STRADB: variants seen among roughly 807,000 people sequenced by gnomAD.
STRADB encodes STE20 related adaptor beta, also known as STE20-related kinase adapter protein beta.
In STRADB, 34 loss-of-function variants were observed where a neutral mutation model predicts 52.1. The observed-to-expected ratio is 0.65, with a 90% confidence interval of 0.50 to 0.87. The LOEUF (loss-of-function observed/expected upper bound fraction) is 0.87, where lower values mean the gene tolerates loss of function less well. STRADB is among the 40% of genes least tolerant of loss of function. STRADB has a pLI of 0.00. For synonymous variants in STRADB, 133 were observed against 174.5 expected, an observed-to-expected ratio of 0.76 and a Z score of 1.87; for missense variants, 340 against 483.9, an observed-to-expected ratio of 0.70 and a Z score of 2.79.
chr2:201,459,024 C>T (rs1490258542), intron 3 of STRADB, among the ~76,000 whole-genome samples, 160 bp downstream of exon 3: 1 of 152,092 alleles, frequency 6.6e-6, no homozygotes, highest in Non-Finnish European at 1.5e-5. Flanking sequence ...ACAATGAATG[C>T]TCTAACTTTG....
intron 8 of STRADB, 130 bp from the exon 9 acceptor site, chr2:201,477,957 G>A: frequency 1.7e-6 from 2 of 1,156,470 alleles, no homozygotes; most frequent in South Asian, 1.5e-5. Flanking sequence ...TATATGAAGT[G>A]TGTCTTGATT....
At chr2:201,474,551 A>G (rs1025823037) in intron 5 of STRADB, 96 bp from the exon 6 acceptor site, 1 of 943,608 alleles carries the variant, frequency 1.1e-6, no homozygotes, top group South Asian at 1.5e-5. Context: ...TTTCACTAAT[A>G]AGCACCCTTG....
intron 7 of STRADB, 85 bp downstream of exon 7, chr2:201,475,827 A>G (rs751469617): frequency 3.0e-5 from 43 of 1,421,622 alleles, no homozygotes; most frequent in Non-Finnish European, 4.0e-5. Context: ...GCAGTTGAAT[A>G]TTAGAAAAAA....
chr2:201,466,483 G>GA (rs1952306530), intron 3 of STRADB, among the ~76,000 whole-genome samples: 1 of 152,234 alleles, frequency 6.6e-6, no homozygotes, highest in South Asian at 2.1e-4. Context: ...CTGATGACTA[G>GA]AAAAACTTCC....
At chr2:201,467,359 T>C (rs1240711217) in intron 3 of STRADB, among the ~76,000 whole-genome samples, 1 of 152,212 alleles carries the variant, frequency 6.6e-6, no homozygotes, top group Non-Finnish European at 1.5e-5. Context: ...GACCATTCCC[T>C]CTTCACTTCC....
chr2:201,455,376 A>AGC (rs1952112380), intron 2 of STRADB, among the ~76,000 whole-genome samples: 2 of 152,114 alleles, frequency 1.3e-5, no homozygotes, highest in Non-Finnish European at 2.9e-5. Context: ...CATAATAATA[A>AGC]TATTTGAATA....
chr2:201,454,744 A>T lies in STRADB; in HGVS notation c.-95-2A>T. ...AAATTATTTTGCTTTTGTTTTTTAT[A>T]GTAGGATATATCTGCATCTTGAAAG... On this transcript the variant is annotated splice_acceptor_variant, in intron 1 of 11. Coordinates refer to ENST00000194530, the MANE Select transcript of STRADB (RefSeq NM_018571.6). LOFTEE classifies it low-confidence loss of function (5UTR_SPLICE). The T allele has an allele frequency of 2.5e-6, 3 of 1,198,842 alleles. No individual in the cohort carries two copies. Among genetic ancestry groups the T allele is most frequent in the Non-Finnish European group, 3.5e-6 (3 of 854,724 alleles). The allele number at this position is 1,198,842 out of a possible 1,614,324, so 74.3% of individuals were successfully genotyped here.
chr2:201,471,159 A>G (rs1056101697), intron 4 of STRADB, among the ~76,000 whole-genome samples: 11 of 152,240 alleles, frequency 7.2e-5, no homozygotes, highest in African/African-American at 2.2e-4. Context: ...AAATGCCCCA[A>G]AATTAGAAAG....
intron 3 of STRADB, among the ~76,000 whole-genome samples, chr2:201,462,383 G>C (rs549081578): frequency 1.2e-4 from 19 of 152,116 alleles, no homozygotes; most frequent in Non-Finnish European, 2.5e-4. Flanking sequence ...TCATTGGAGA[G>C]TTTAATCCAT....
intron 3 of STRADB, chr2:201,460,871 A>G (rs1056307722): frequency 2.0e-5 from 4 of 197,794 alleles, no homozygotes; most frequent in African/African-American, 4.8e-5. Flanking sequence ...TTTCTTTTGG[A>G]TATATACCTA....
chr2:201,463,438 G>A (rs1952248976), intron 3 of STRADB, among the ~76,000 whole-genome samples: 1 of 151,774 alleles, frequency 6.6e-6, no homozygotes, highest in African/African-American at 2.4e-5. Flanking sequence ...ATGTATTGGA[G>A]CCCCTTTATA....
chr2:201,474,193 A>G (rs1206693953), intron 5 of STRADB, among the ~76,000 whole-genome samples: 1 of 152,088 alleles, frequency 6.6e-6, no homozygotes, highest in Non-Finnish European at 1.5e-5. Flanking sequence ...CCCGGCCCCA[A>G]TTCTTAAAAT....
At chr2:201,470,624 C>T (rs1464374714) in intron 4 of STRADB, among the ~76,000 whole-genome samples, 1 of 152,198 alleles carries the variant, frequency 6.6e-6, no homozygotes, top group African/African-American at 2.4e-5. Context: ...TTGACATCAT[C>T]TCTGGGAAGA....
At chr2:201,479,015 G>C (rs1323629942) in intron 10 of STRADB, 1 of 198,338 alleles carries the variant, frequency 5.0e-6, no homozygotes, top group Non-Finnish European at 1.0e-5. Flanking sequence ...AGAGGTTGCA[G>C]TGAGCCGAGA....
In STRADB at chr2:201,478,890, A is replaced by G. The variant is rs1029172178; in HGVS notation, c.1070+289A>G. 2.6e-5 allele frequency among the ~76,000 whole-genome samples: 4 copies of G among 152,172 alleles called. No individual in the cohort carries two copies. In the East Asian group the frequency reaches 5.8e-4, roughly 22 times the overall value. On this transcript the variant is annotated intron_variant, in intron 10 of 11. Transcript: ENST00000194530. ...GGAGTTCAAGACCAGCCTGGCCAAC[A>G]TGGTGAAACCCCGTCTCTACTAAAA...
At chr2:201,466,268 G>A (rs918825411) in intron 3 of STRADB, among the ~76,000 whole-genome samples, 12 of 152,162 alleles carry the variant, frequency 7.9e-5, no homozygotes, top group African/African-American at 2.7e-4. Flanking sequence ...CTAAGCAAAC[G>A]TTCACAGCTG....
rs1403571087 is a variant in STRADB at position 201,478,528 on chromosome 2, C to A, written c.997C>A (p.Pro333Thr). ...AGTAAATAGTGACCGATTACACACA[C>A]CATCCTCAAAAACTTTCTCTCCTGC... Reference protein sequence around the residue: ...HTVNSDRLHTPSSKTFSPAFF... With the variant: ...HTVNSDRLHTTSSKTFSPAFF... The change falls in exon 10 of 12, where the codon CCA (proline) becomes ACA (threonine). Residue 333 changes from proline to threonine, a missense_variant. Physicochemically the swap from Pro to Thr is conservative, Grantham distance 38 (BLOSUM62 -1). Transcript: ENST00000194530. The A allele has an allele frequency of 1.2e-6, 2 of 1,613,968 alleles. No homozygotes were observed. Among genetic ancestry groups the A allele is most frequent in the South Asian group, 1.1e-5 (1 of 91,076 alleles).
chr2:201,477,862 G>A (rs1360347316), intron 8 of STRADB, 72 bp downstream of exon 8: 1 of 1,553,658 alleles, frequency 6.4e-7, no homozygotes, highest in Admixed American at 1.8e-5. Context: ...GTACAGTTGT[G>A]TCTTTATATT....
intron 6 of STRADB, 87 bp downstream of exon 6, chr2:201,474,842 A>G (rs1433989084): frequency 9.7e-7 from 1 of 1,027,924 alleles, no homozygotes; most frequent in Non-Finnish European, 1.4e-6. Flanking sequence ...ATGATTTGCC[A>G]CATTTAATTT....
Sources: gnomAD v4.1 joint callset for allele counts (sites outside exome capture counted in the v4.1 genomes callset) on GRCh38, gnomAD v4.1.1 for gene constraint, MANE v1.5 for transcripts, NCBI Gene and HGNC (gene_info 2026-07-23, HGNC 2026-07-21) for gene names.